FOXK1: variants seen among roughly 807,000 people sequenced by gnomAD.
FOXK1 encodes the protein forkhead box protein K1.
In FOXK1, 19 loss-of-function variants were observed where a neutral mutation model predicts 51.9. The observed-to-expected ratio is 0.37, with a 90% confidence interval of 0.26 to 0.54. The LOEUF is 0.54. FOXK1 is among the 20% of genes least tolerant of loss of function. The probability of loss-of-function intolerance (pLI) is 0.87; values close to 1 mark genes in which losing one functional copy is unlikely to be tolerated. For missense variants in FOXK1, 870 were observed against 1,032.7 expected (o/e 0.84, Z 2.16); for synonymous variants, 537 against 482.6 (o/e 1.11, Z -1.48).
chr7:4,718,637 T>C (rs1583193698), intron 1 of FOXK1, among the ~76,000 whole-genome samples: 2 of 152,334 alleles, frequency 1.3e-5, no homozygotes, highest in East Asian at 3.9e-4. Flanking sequence ...CTAAGGCCTG[T>C]CCTTGGCATA....
rs1031475289 is a variant in FOXK1 at position 4,768,497 on chromosome 7, C to G, written c.*6033C>G. ...TCTTGTGAGCCCACGGGCATGGGAC[C>G]CTGTCTCTGCTGGGCTTTTCCGGCC... On this transcript the variant is annotated 3_prime_UTR_variant, in exon 9 of 9. Coordinates refer to ENST00000328914, the MANE Select transcript of FOXK1 (RefSeq NM_001037165.2). 4 of 152,416 alleles carry G rather than the reference C, an allele frequency of 2.6e-5. No individual in the cohort carries two copies. The highest frequency in any genetic ancestry group is 7.2e-5 in the African/African-American group (3 of 41,446). The allele number at this position is 152,416 out of a possible 1,614,324, so 9.4% of individuals were successfully genotyped here. A position where few individuals can be genotyped will look rare whatever the true frequency, so the allele number is the denominator to read the frequency against.
intron 3 of FOXK1, chr7:4,754,894 G>A (rs955221932): frequency 1.7e-5 from 10 of 582,194 alleles, no homozygotes; most frequent in Middle Eastern, 4.6e-4. Flanking sequence ...GCAGCCCGGC[G>A]TCAAAGCCTT....
At position 4,731,932 on chromosome 7, in the gene FOXK1, T is replaced by C. The variant is rs977163566; in HGVS notation, c.561-8906T>C. ...CCGGTCAGGACTGATGTTCACGGCATGGAGACCTGAGGCCACACGGAGGCC... is the reference window on the plus strand; with the variant it reads ...CCGGTCAGGACTGATGTTCACGGCACGGAGACCTGAGGCCACACGGAGGCC... On this transcript the variant is annotated intron_variant, in intron 1 of 8. Coordinates refer to ENST00000328914, the MANE Select transcript of FOXK1 (RefSeq NM_001037165.2). This position sits in a 1 kb window ranked among gnomAD's most constrained non-coding sequence, Gnocchi z 5.3. Among the ~76,000 whole-genome samples, 1 of 152,192 alleles carries C rather than the reference T, an allele frequency of 6.6e-6. No homozygotes were observed. The highest frequency in any genetic ancestry group is 1.5e-5 in the Non-Finnish European group (1 of 68,012).
intron 1 of FOXK1, among the ~76,000 whole-genome samples, chr7:4,706,752 A>T (rs1780107241): frequency 6.6e-6 from 1 of 152,242 alleles, no homozygotes; most frequent in Non-Finnish European, 1.5e-5. Context: ...TTCGAAAGCT[A>T]TGTGAATGAG....
chr7:4,687,510 C>A (rs1177881208), intron 1 of FOXK1, among the ~76,000 whole-genome samples: 1 of 152,052 alleles, frequency 6.6e-6, no homozygotes, highest in Non-Finnish European at 1.5e-5. Flanking sequence ...CCAGGCTGGT[C>A]TGGAACTCCT....
intron 1 of FOXK1, among the ~76,000 whole-genome samples, chr7:4,691,391 G>A (rs778707293): frequency 1.4e-4 from 22 of 152,210 alleles, no homozygotes; most frequent in Non-Finnish European, 2.6e-4. Context: ...CTGGAGTGCA[G>A]TGGTGCAATC....
rs887562919 is a variant in FOXK1, at chr7:4,747,189, G to C, written c.746+6166G>C. ...GCGCCCGACTTCTCAGGTCAGCCTCGGGTGACAAGCGGCTTGTGTGGAGTA... is the reference window on the plus strand; with the variant it reads ...GCGCCCGACTTCTCAGGTCAGCCTCCGGTGACAAGCGGCTTGTGTGGAGTA... On this transcript the variant is annotated intron_variant, in intron 2 of 8. Transcript: ENST00000328914. This position sits in a 1 kb window ranked among gnomAD's most constrained non-coding sequence, Gnocchi z 9.2. 1.3e-5 allele frequency among the ~76,000 whole-genome samples: 2 copies of C among 152,190 alleles called. No homozygotes were observed. The highest frequency in any genetic ancestry group is 1.9e-4 in the East Asian group (1 of 5,194).
chr7:4,703,013 A>G lies in FOXK1; in HGVS notation c.560+20145A>G, dbSNP rs1780039431. Among the ~76,000 whole-genome samples, 1 of 152,024 alleles carries G rather than the reference A, an allele frequency of 6.6e-6. No homozygotes were observed. The highest frequency in any genetic ancestry group is 1.5e-5 in the Non-Finnish European group (1 of 67,986). ...GAGCTCCTGGCCTGTGTCTCCACCTAAAAGGCCGTCCTCAGCTCCCCCTGC... is the reference window on the plus strand; with the variant it reads ...GAGCTCCTGGCCTGTGTCTCCACCTGAAAGGCCGTCCTCAGCTCCCCCTGC... On this transcript the variant is annotated intron_variant, in intron 1 of 8. Coordinates refer to ENST00000328914, the MANE Select transcript of FOXK1 (RefSeq NM_001037165.2). The surrounding 1 kb of genome is among the most constrained non-coding windows in gnomAD (Gnocchi z 5.6).
intron 1 of FOXK1, among the ~76,000 whole-genome samples, chr7:4,705,718 T>C (rs1780080999): frequency 6.6e-6 from 1 of 151,216 alleles, no homozygotes; most frequent in South Asian, 2.1e-4. Context: ...TTTGTATTTT[T>C]AGTAGAGAGG....
At chr7:4,697,696 CTTA>C (rs200964584) in intron 1 of FOXK1, among the ~76,000 whole-genome samples, 2,062 of 139,028 alleles carry the variant, frequency 0.015, 30 homozygotes, top group Admixed American at 0.025. Flanking sequence ...ATCTTTTTTT[CTTA>C]TTATTTTCTA....
rs189236137 is a variant in FOXK1 at position 4,727,456 on chromosome 7, C to T, written c.561-13382C>T. 4.1e-3 allele frequency among the ~76,000 whole-genome samples: 629 copies of T among 152,192 alleles called. 2 individuals are homozygous for T. The highest frequency in any genetic ancestry group is 7.0e-3 in the Non-Finnish European group (479 of 68,010). On this transcript the variant is annotated intron_variant, in intron 1 of 8. Transcript: ENST00000328914. ...TCAGCCTCTGGAGTAGCTGGGATTA[C>T]AGGCATGCAGCACCACGCCCAGCTA...
chr7:4,686,437 A>G (rs953792327), intron 1 of FOXK1, among the ~76,000 whole-genome samples: 4 of 151,878 alleles, frequency 2.6e-5, no homozygotes, highest in African/African-American at 4.8e-5. Context: ...TTGGTGGGGG[A>G]AAAAAAAGAC....
At chr7:4,737,431 T>C (rs1405214461) in intron 1 of FOXK1, among the ~76,000 whole-genome samples, 1 of 144,784 alleles carries the variant, frequency 6.9e-6, no homozygotes, top group Non-Finnish European at 1.5e-5. Context: ...GGTAGGTGTG[T>C]GTGCATGCGT....
chr7:4,754,165 A>G (rs1360903220), intron 2 of FOXK1, among the ~76,000 whole-genome samples: 1 of 152,164 alleles, frequency 6.6e-6, no homozygotes, highest in Non-Finnish European at 1.5e-5. Flanking sequence ...GAGGGGCCCC[A>G]CAGAGCTGCC....
chr7:4,696,022 A>G (rs544631884), intron 1 of FOXK1, among the ~76,000 whole-genome samples: 2 of 151,622 alleles, frequency 1.3e-5, no homozygotes, highest in East Asian at 3.9e-4. Flanking sequence ...AACCTGAGGC[A>G]GGAGAATCTC....
intron 2 of FOXK1, among the ~76,000 whole-genome samples, chr7:4,742,608 G>T (rs1030423067): frequency 6.6e-6 from 1 of 152,002 alleles, no homozygotes; most frequent in Non-Finnish European, 1.5e-5. Flanking sequence ...GTAGAGACAG[G>T]GTCTTGCTAT....
rs1554249410 is a variant in FOXK1, at chr7:4,705,984, G to GTGTA, written c.560+23117_560+23118insGTAT. Among the ~76,000 whole-genome samples, 18 of 87,934 alleles carry GTGTA rather than the reference G, an allele frequency of 2.0e-4. 1 individual carries two copies. Among genetic ancestry groups the GTGTA allele is most frequent in the African/African-American group, 1.7e-3 (18 of 10,502 alleles). 57.7% of individuals were successfully genotyped at this position (87,934 alleles called of 152,430 possible). On this transcript the variant is annotated intron_variant, in intron 1 of 8. Transcript: ENST00000328914. ...TGTATATATATATACGTATATATAC[G>GTGTA]TATATATACGTATATATACGTATAT... is the stretch of plus-strand genomic sequence containing the variant.
Position 4,762,417 on chromosome 7 carries a change from G to A in FOXK1, c.2155G>A (p.Gly719Arg), listed in dbSNP as rs1175456969. ...CAGTGGTGCTGTAACCACACCGGCT[G>A]GAGTGATCGCAGCTGCCGGCCCCCA... ...EPSGAVTTPA[G>R]VIAAAGPQGP... The change falls in exon 9 of 9, where the codon GGA becomes AGA. Residue 719 changes from glycine (G) to arginine (R), a missense_variant. Physicochemically the swap from Gly to Arg is moderately radical, Grantham distance 125 (BLOSUM62 -2). Around this residue, in one of 3 missense-constraint regions of FOXK1, gnomAD observed 457 missense variants for 510.8 expected, o/e 0.89. Transcript: ENST00000328914. This position sits in a 1 kb window ranked among gnomAD's most constrained non-coding sequence, Gnocchi z 5.7. 1 of 1,549,274 alleles carries A rather than the reference G, an allele frequency of 6.5e-7. No individual in the cohort carries two copies. Among genetic ancestry groups the A allele is most frequent in the Non-Finnish European group, 8.7e-7 (1 of 1,146,986 alleles).
Position 4,757,140 on chromosome 7 carries a change from G to C in FOXK1, c.1197G>C (p.Gln399His). 1 of 1,612,988 alleles carries C rather than the reference G, an allele frequency of 6.2e-7. No individual in the cohort carries two copies. ...AACAGGCATTCCGGAAACGGAGGCA[G>C]AGGGGTGTCTCCTGCTTCCGCACCC... ...LVEQAFRKRRQRGVSCFRTPF... is the reference protein window; with the variant it reads ...LVEQAFRKRRHRGVSCFRTPF... Residue 399 changes from glutamine (Q) to histidine (H), a missense_variant, in exon 5 of 9, where the codon CAG (glutamine) becomes CAC (histidine). Transcript: ENST00000328914.
Sources: gnomAD v4.1 joint callset for allele counts (sites outside exome capture counted in the v4.1 genomes callset) on GRCh38, gnomAD v4.1.1 for gene constraint, gnomAD v4.1.1 regional missense constraint, Gnocchi (gnomAD v3.1) non-coding constraint, MANE v1.5 for transcripts, NCBI Gene and HGNC (gene_info 2026-07-23, HGNC 2026-07-21) for gene names.